Variants in AKAP9 observed in about 807,000 individuals in gnomAD.
AKAP9 encodes the protein A-kinase anchoring protein 9.
AKAP9 carries 311 observed loss-of-function variants against 488.5 expected under a neutral mutation model. That is an observed-to-expected ratio of 0.64 (90% CI 0.58 to 0.70). The LOEUF is 0.70. AKAP9 is among the 30% of genes least tolerant of loss of function. The pLI is 0.00. For missense variants in AKAP9, 4,215 were observed against 4,374.5 expected, an observed-to-expected ratio of 0.96 and a Z score of 1.03; for synonymous variants, 1,462 against 1,483.5, an observed-to-expected ratio of 0.99 and a Z score of 0.33.
intron 3 of AKAP9, among the ~76,000 whole-genome samples, chr7:91,985,714 C>T (rs569291306): frequency 6.2e-4 from 94 of 152,220 alleles, no homozygotes; most frequent in African/African-American, 2.1e-3. Flanking sequence ...GTGGCATGAT[C>T]TCAGCTCACT....
chr7:92,079,923 T>G lies in AKAP9; in HGVS notation c.7790T>G (p.Leu2597Trp), dbSNP rs748910873. 87 of 1,613,406 alleles carry G rather than the reference T, an allele frequency of 5.4e-5. No homozygotes were observed. The highest frequency in any genetic ancestry group is 7.1e-5 in the Non-Finnish European group (84 of 1,179,742). ...QNLNQLREDE[L>W]GSDISALTLR... ...TTAAATCAACTAAGAGAAGATGAGTTGGGGTCAGATATATCAGCATTAACC... is the reference window on the plus strand; with the variant it reads ...TTAAATCAACTAAGAGAAGATGAGTGGGGGTCAGATATATCAGCATTAACC... Residue 2597 changes from leucine to tryptophan, a missense_variant, in exon 31 of 50, where the codon TTG (leucine) becomes TGG (tryptophan). Leu to Trp is a moderately conservative substitution (Grantham distance 61). This residue lies in a region of AKAP9 where 1,476 missense variants were observed against 1,477.4 expected (regional missense o/e 1.00). Transcript: ENST00000356239.
chr7:92,061,263 G>A lies in AKAP9; in HGVS notation c.5605G>A (p.Glu1869Lys). 3 of 1,611,552 alleles carry A rather than the reference G, an allele frequency of 1.9e-6. No homozygotes were observed. Among genetic ancestry groups the A allele is most frequent in the Non-Finnish European group, 2.5e-6 (3 of 1,178,502 alleles). Residue 1869 changes from glutamate to lysine, a missense_variant, in exon 23 of 50, where the codon GAA becomes AAA. Glu to Lys is a moderately conservative substitution (Grantham distance 56). Around this residue, in one of 5 missense-constraint regions of AKAP9, gnomAD observed 2,361 missense variants for 2,430.0 expected, o/e 0.97. Transcript: ENST00000356239. ...EAISETSSQLEHAKVTQTELM... is the reference protein window; with the variant it reads ...EAISETSSQLKHAKVTQTELM... ...TATTGTTTCCCTCTTTGTTTAGCTT[G>A]AACATGCGAAAGTGACACAGACAGA...
intron 2 of AKAP9, among the ~76,000 whole-genome samples, chr7:91,979,917 A>G (rs140245998): frequency 1.2e-4 from 18 of 152,358 alleles, no homozygotes; most frequent in African/African-American, 4.3e-4. Flanking sequence ...ACCACAGTTA[A>G]CCATGGGTAA....
chr7:92,006,991 G>C (rs548005253), intron 8 of AKAP9, among the ~76,000 whole-genome samples: 1 of 152,216 alleles, frequency 6.6e-6, no homozygotes, highest in Admixed American at 6.5e-5. Context: ...AATAATGTCT[G>C]ACACATGATA....
rs777937911 is a variant in AKAP9 at position 92,079,608 on chromosome 7, G to C, written c.7475G>C (p.Gly2492Ala). 4 of 1,613,850 alleles carry C rather than the reference G, an allele frequency of 2.5e-6. 1 individual carries two copies. The South Asian group carries it at 4.4e-5, about 18-fold the overall frequency. The change falls in exon 31 of 50, where the codon GGT becomes GCT. Residue 2492 changes from glycine to alanine, a missense_variant. Around this residue, in one of 5 missense-constraint regions of AKAP9, gnomAD observed 1,476 missense variants for 1,477.4 expected, o/e 1.00. Transcript: ENST00000356239. ...YFKSFEENGKGSIINLETRLL... is the reference protein window; with the variant it reads ...YFKSFEENGKASIINLETRLL... ...AAATCTTTTGAAGAAAATGGCAAAG[G>C]TTCCATAATTAATTTGGAAACAAGG...
Position 92,000,881 on chromosome 7 carries a change from G to A in AKAP9, c.964G>A (p.Glu322Lys). ...TAAAAAAGTAGAAAACTCAAATAAA[G>A]AAGAAATACAGGAAAAGGAGACAAT... is the stretch of plus-strand genomic sequence containing the variant. ...QDKKVENSNKEEIQEKETIIE... is the reference protein window; with the variant it reads ...QDKKVENSNKKEIQEKETIIE... The change falls in exon 8 of 50, where the codon GAA (glutamate) becomes AAA (lysine). Residue 322 changes from glutamate to lysine, a missense_variant. By Grantham distance (56) the Glu-to-Lys change is moderately conservative. Coordinates refer to ENST00000356239, the MANE Select transcript of AKAP9 (RefSeq NM_005751.5). 2 of 1,419,714 alleles carry A rather than the reference G, an allele frequency of 1.4e-6. No individual in the cohort carries two copies. The highest frequency in any genetic ancestry group is 2.5e-5 in the East Asian group (1 of 39,664). The allele number at this position is 1,419,714 out of a possible 1,614,324, so 87.9% of individuals were successfully genotyped here.
Position 92,076,879 on chromosome 7 carries a change from G to T in AKAP9, c.6637G>T (p.Glu2213Ter). Residue 2213 changes from glutamate to a stop codon, truncating the protein, a stop_gained, in exon 29 of 50, where the codon GAA (glutamate) becomes TAA (stop). Transcript: ENST00000356239. LOFTEE classifies it high-confidence loss of function. ...GATTACAAACTTAGAAGAGCAATTA[G>T]AACAGTTTAGAGAAGAACTGGAAAA... Reference protein sequence around the residue: ...KEITNLEEQLEQFREELENKN... With the variant: ...KEITNLEEQL 6.7e-7 allele frequency: 1 copy of T among 1,482,208 alleles called. No homozygotes were observed. The highest frequency in any genetic ancestry group is 1.2e-5 in the South Asian group (1 of 80,616). 91.8% of individuals were successfully genotyped at this position (1,482,208 alleles called of 1,614,324 possible).
chr7:92,025,999 A>G (rs1460301249), intron 14 of AKAP9, among the ~76,000 whole-genome samples: 2 of 152,256 alleles, frequency 1.3e-5, no homozygotes, highest in Admixed American at 6.5e-5. Context: ...TTCACTGCAC[A>G]TCTGTAATAC....
In AKAP9 at chr7:92,022,813, GA is replaced by G. The variant is rs1802514468; in HGVS notation, c.3953del (p.Asp1318ValfsTer26). ...ATTTTTTGTCTCTTTATATAACATA[GA>G]TGTCAATCATAAAAGCAAGTTATCT... ...HSQMTNLEDI[D>X]VNHKSKLSSL... On this transcript the variant is annotated frameshift_variant and splice_region_variant, in exon 14 of 50. Transcript: ENST00000356239. LOFTEE classifies it high-confidence loss of function. The G allele has an allele frequency of 6.4e-7, 1 of 1,566,464 alleles. No individual in the cohort carries two copies. The highest frequency in any genetic ancestry group is 1.7e-5 in the Admixed American group (1 of 59,550).
chr7:92,016,676 A>T (rs1801553350), intron 11 of AKAP9, among the ~76,000 whole-genome samples: 1 of 152,086 alleles, frequency 6.6e-6, no homozygotes, highest in Non-Finnish European at 1.5e-5. Flanking sequence ...CTTAATATAG[A>T]TCTGCTATAA....
At chr7:92,054,263 C>A (rs183306363) in intron 22 of AKAP9, among the ~76,000 whole-genome samples, 13 of 152,112 alleles carry the variant, frequency 8.5e-5, no homozygotes, top group African/African-American at 3.1e-4. Context: ...TGTGTAATAT[C>A]TTTGTGAAAT....
rs1799308072 is a variant in AKAP9 at position 92,002,608 on chromosome 7, T to C, written c.2691T>C (p.Asn897=). The C allele has an allele frequency of 6.2e-7, 1 of 1,611,822 alleles. No individual in the cohort carries two copies. Among genetic ancestry groups the C allele is most frequent in the Non-Finnish European group, 8.5e-7 (1 of 1,178,956 alleles). ...ATAAAAGTAAACTTAAAGCACTTAA[T>C]GAAGAGCTTCATTTGCAAAGAATAA... ...LEYKSKLKAL[N]EELHLQRINP... Residue 897 remains asparagine, a synonymous_variant, in exon 8 of 50, where the codon AAT becomes AAC. Transcript: ENST00000356239.
intron 2 of AKAP9, 135 bp from the exon 3 acceptor site, chr7:91,980,154 A>C: frequency 2.0e-6 from 1 of 498,782 alleles, no homozygotes; most frequent in Non-Finnish European, 3.6e-6. Context: ...TAAAGATTTG[A>C]GTAATTTTTA....
chr7:92,005,987 T>C (rs1267052146), intron 8 of AKAP9, among the ~76,000 whole-genome samples: 1 of 152,038 alleles, frequency 6.6e-6, no homozygotes, highest in Non-Finnish European at 1.5e-5. Flanking sequence ...TAACTGTTAA[T>C]GTTCTGTTAA....
intron 12 of AKAP9, among the ~76,000 whole-genome samples, chr7:92,020,252 C>T (rs756509609): frequency 1.9e-4 from 29 of 152,166 alleles, no homozygotes; most frequent in Non-Finnish European, 3.7e-4. Flanking sequence ...CTCATTTCAG[C>T]CATACTGAAA....
At chr7:92,027,549 A>C (rs1266057038) in intron 14 of AKAP9, among the ~76,000 whole-genome samples, 1 of 112,236 alleles carries the variant, frequency 8.9e-6, no homozygotes, top group Non-Finnish European at 1.8e-5. Context: ...GCCCGGCTGC[A>C]CCGTCTGGGA....
intron 8 of AKAP9, among the ~76,000 whole-genome samples, chr7:92,007,265 C>A (rs1584075268): frequency 1.4e-5 from 2 of 144,826 alleles, no homozygotes; most frequent in East Asian, 2.0e-4. Context: ...AAAAATTAAG[C>A]ATGAGAACTG....
At chr7:91,975,372 T>G (rs563124363) in intron 2 of AKAP9, among the ~76,000 whole-genome samples, 32 of 152,314 alleles carry the variant, frequency 2.1e-4, no homozygotes, top group African/African-American at 7.5e-4. Flanking sequence ...ATTCTAAATA[T>G]AATTGTATTC....
intron 1 of AKAP9, among the ~76,000 whole-genome samples, chr7:91,972,907 G>C (rs1013750399): frequency 6.6e-6 from 1 of 151,946 alleles, no homozygotes; most frequent in African/African-American, 2.4e-5. Context: ...GTTATTTCCA[G>C]TTTTTTTTCC....
Sources: allele counts gnomAD v4.1 joint callset (sites outside exome capture counted in the v4.1 genomes callset), GRCh38; gene constraint gnomAD v4.1.1; regional missense constraint gnomAD v4.1.1; transcripts MANE v1.5; gene names NCBI Gene and HGNC (gene_info 2026-07-23, HGNC 2026-07-21).